EPHA6: variants seen among roughly 807,000 people sequenced by gnomAD.
EPHA6 encodes ephrin type-A receptor 6.
EPHA6 carries 50 observed loss-of-function variants against 112.0 expected under a neutral mutation model. The ratio of observed to expected loss-of-function variants is 0.45; its 90% CI spans 0.36 to 0.56. The LOEUF (loss-of-function observed/expected upper bound fraction) is 0.56, where lower values mean the gene tolerates loss of function less well. EPHA6 is among the 20% of genes least tolerant of loss of function. The pLI is 0.00. For missense variants in EPHA6, 1,280 were observed against 1,417.4 expected (o/e 0.90, Z 1.56); for synonymous variants, 529 against 490.7 (o/e 1.08, Z -1.03).
intron 2 of EPHA6, among the ~76,000 whole-genome samples, chr3:96,965,149 G>T (rs1294076988): frequency 6.6e-6 from 1 of 152,112 alleles, no homozygotes; most frequent in African/African-American, 2.4e-5. Context: ...TGGCCTCTGG[G>T]ATTGGCCTAG....
intron 14 of EPHA6, among the ~76,000 whole-genome samples, chr3:97,665,175 A>T (rs537992251): frequency 6.6e-6 from 1 of 152,296 alleles, no homozygotes; most frequent in South Asian, 2.1e-4. Context: ...CACATCTACA[A>T]CTATCTGATC....
At chr3:97,653,210 A>C (rs928592055) in intron 14 of EPHA6, among the ~76,000 whole-genome samples, 1 of 152,024 alleles carries the variant, frequency 6.6e-6, no homozygotes, top group African/African-American at 2.4e-5. Flanking sequence ...ACAATCAACA[A>C]AATGAAAAAC....
chr3:97,572,602 T>C (rs1300921528), intron 11 of EPHA6: 4 of 152,172 alleles, frequency 2.6e-5, no homozygotes, highest in Non-Finnish European at 4.4e-5. Flanking sequence ...ATACTCCACA[T>C]GGTTCTTGGC....
At chr3:97,214,038 T>TGTGTGTGTGTGTGTGTGTGAGA (rs1491420279) in intron 3 of EPHA6, among the ~76,000 whole-genome samples, 8 of 77,784 alleles carry the variant, frequency 1.0e-4, no homozygotes, top group African/African-American at 2.8e-4. Context: ...TGTGTGTGTG[T>TGTGTGTGTGTGTGTGTGTGAGA]GAGAGAGAGA....
At chr3:97,555,997 C>A (rs2093103542) in intron 11 of EPHA6, among the ~76,000 whole-genome samples, 1 of 152,008 alleles carries the variant, frequency 6.6e-6, no homozygotes, top group Non-Finnish European at 1.5e-5. Flanking sequence ...CAAACCACCT[C>A]CTTTACTGAG....
At chr3:97,190,472 T>C (rs2077271968) in intron 3 of EPHA6, among the ~76,000 whole-genome samples, 1 of 152,068 alleles carries the variant, frequency 6.6e-6, no homozygotes, top group African/African-American at 2.4e-5. Flanking sequence ...CCCAGCTGGA[T>C]TAAACTGCAG....
chr3:97,195,797 A>G (rs991262544), intron 3 of EPHA6, among the ~76,000 whole-genome samples: 7 of 152,038 alleles, frequency 4.6e-5, no homozygotes, highest in Non-Finnish European at 1.0e-4. Context: ...AGCACTTTAA[A>G]TATGTCATGG....
chr3:97,395,739 G>A (rs1227526410), intron 5 of EPHA6, among the ~76,000 whole-genome samples: 4 of 151,226 alleles, frequency 2.6e-5, no homozygotes, highest in Non-Finnish European at 5.9e-5. Context: ...TGTCCTAAAA[G>A]AGGCACAAGG....
intron 3 of EPHA6, among the ~76,000 whole-genome samples, chr3:97,184,792 T>G (rs1463393587): frequency 1.3e-5 from 2 of 152,186 alleles, no homozygotes; most frequent in Non-Finnish European, 2.9e-5. Flanking sequence ...GCTGGAGGCA[T>G]CACGCTACCT....
intron 11 of EPHA6, among the ~76,000 whole-genome samples, chr3:97,533,891 C>G (rs1166996054): frequency 6.6e-6 from 1 of 152,102 alleles, no homozygotes; most frequent in Non-Finnish European, 1.5e-5. Context: ...TACAACTCCA[C>G]TACAACTGCT....
At chr3:97,554,922 GC>G (rs1371373013) in intron 11 of EPHA6, among the ~76,000 whole-genome samples, 2 of 151,132 alleles carry the variant, frequency 1.3e-5, no homozygotes, top group Non-Finnish European at 3.0e-5. Flanking sequence ...CTGTGAGTGT[GC>G]CTTTTTTTTT....
At chr3:97,537,974 G>A (rs893410718) in intron 11 of EPHA6, among the ~76,000 whole-genome samples, 3 of 152,164 alleles carry the variant, frequency 2.0e-5, no homozygotes, top group African/African-American at 4.8e-5. Flanking sequence ...TTTAGGTAAA[G>A]AGCAAAAACC....
At chr3:96,999,523 GACTACAGT>G (rs752739337) in intron 3 of EPHA6, among the ~76,000 whole-genome samples, 25,089 of 151,766 alleles carry the variant, frequency 0.17, 2,416 homozygotes, top group Non-Finnish European at 0.22. Context: ...TACCAACAAT[GACTACAGT>G]ATATGGCTAC....
chr3:97,035,547 A>G (rs575807578), intron 3 of EPHA6, among the ~76,000 whole-genome samples: 22 of 151,980 alleles, frequency 1.4e-4, no homozygotes, highest in African/African-American at 5.3e-4. Flanking sequence ...TACTTCCTTA[A>G]TGATAAAATT....
chr3:97,169,025 C>T (rs2076618392), intron 3 of EPHA6, among the ~76,000 whole-genome samples: 1 of 152,128 alleles, frequency 6.6e-6, no homozygotes, highest in South Asian at 2.1e-4. Flanking sequence ...TGTAGAGTGG[C>T]ATCTTACATT....
At chr3:97,633,571 A>G (rs527550924) in intron 13 of EPHA6, among the ~76,000 whole-genome samples, 2 of 152,232 alleles carry the variant, frequency 1.3e-5, no homozygotes, top group African/African-American at 4.8e-5. Context: ...AATATAGTGG[A>G]TGCTGTAATA....
At chr3:97,670,442 T>G (rs753688127) in intron 14 of EPHA6, among the ~76,000 whole-genome samples, 1 of 152,222 alleles carries the variant, frequency 6.6e-6, no homozygotes, top group Non-Finnish European at 1.5e-5. Context: ...ACTTTTTTTC[T>G]TTTATGTCTT....
chr3:97,137,418 G>C (rs765498616), intron 3 of EPHA6, among the ~76,000 whole-genome samples: 22 of 152,012 alleles, frequency 1.4e-4, no homozygotes, highest in Non-Finnish European at 2.6e-4. Context: ...CTTTGAACTT[G>C]AACAAATTAC....
chr3:96,846,373 C>T (rs964720957), intron 1 of EPHA6, among the ~76,000 whole-genome samples: 1 of 151,840 alleles, frequency 6.6e-6, no homozygotes, highest in Non-Finnish European at 1.5e-5. Context: ...GTGTTTCCAC[C>T]GTGTAAGATT....
Sources: allele counts gnomAD v4.1 joint callset (sites outside exome capture counted in the v4.1 genomes callset), GRCh38; gene constraint gnomAD v4.1.1; transcripts MANE v1.5; gene names NCBI Gene and HGNC (gene_info 2026-07-23, HGNC 2026-07-21).